The following GRID2 variants were observed in gnomAD, a reference collection of about 807,000 sequenced individuals.
GRID2 encodes glutamate receptor ionotropic, delta-2.
In GRID2, 33 loss-of-function variants were observed where a neutral mutation model predicts 114.8. That is an observed-to-expected ratio of 0.29 (90% CI 0.22 to 0.38). The LOEUF (loss-of-function observed/expected upper bound fraction) is 0.38, where lower values mean the gene tolerates loss of function less well. Among genes scored for constraint, GRID2 ranks in the 10% least tolerant of loss-of-function variants. GRID2 has a pLI of 1.00. For synonymous variants in GRID2, 505 were observed against 449.9 expected, an observed-to-expected ratio of 1.12 and a Z score of -1.55; for missense variants, 1,184 against 1,257.7, an observed-to-expected ratio of 0.94 and a Z score of 0.89.
intron 2 of GRID2, among the ~76,000 whole-genome samples, chr4:93,077,602 T>G (rs1181036663): frequency 1.3e-5 from 2 of 152,178 alleles, no homozygotes; most frequent in African/African-American, 4.8e-5. Flanking sequence ...TTGCCACAAT[T>G]ATGTTTAATC....
chr4:92,560,917 A>T (rs1184369637), intron 1 of GRID2, among the ~76,000 whole-genome samples: 1 of 152,128 alleles, frequency 6.6e-6, no homozygotes, highest in Non-Finnish European at 1.5e-5. Context: ...CATGTTGGTC[A>T]GGCTGGTCTT....
intron 4 of GRID2, among the ~76,000 whole-genome samples, chr4:93,168,715 C>T (rs1237229541): frequency 1.3e-5 from 2 of 151,894 alleles, no homozygotes; most frequent in African/African-American, 4.8e-5. Context: ...GAAACAGAAC[C>T]GTGACTAGAG....
intron 1 of GRID2, among the ~76,000 whole-genome samples, chr4:92,529,035 G>A (rs1430482246): frequency 6.6e-6 from 1 of 152,048 alleles, no homozygotes; most frequent in East Asian, 1.9e-4. Flanking sequence ...CTCCACAGTA[G>A]ATGAATTCTC....
intron 2 of GRID2, among the ~76,000 whole-genome samples, chr4:93,073,879 GGCCCAA>G (rs1560850271): frequency 1.3e-5 from 2 of 152,176 alleles, no homozygotes; most frequent in African/African-American, 4.8e-5. Context: ...AACACCCTTA[GGCCCAA>G]GTTGCACATG....
At chr4:93,486,501 A>C (rs904405938) in intron 11 of GRID2, among the ~76,000 whole-genome samples, 1 of 151,750 alleles carries the variant, frequency 6.6e-6, no homozygotes, top group Admixed American at 6.6e-5. Flanking sequence ...TATAAAAATA[A>C]TGAACACTTT....
At chr4:93,524,133 G>A (rs1322668697) in intron 13 of GRID2, among the ~76,000 whole-genome samples, 2 of 152,062 alleles carry the variant, frequency 1.3e-5, no homozygotes, top group Admixed American at 6.6e-5. Flanking sequence ...ATCTGGGTTA[G>A]GCCCTTATTA....
intron 8 of GRID2, among the ~76,000 whole-genome samples, chr4:93,275,625 A>C (rs1028702444): frequency 1.3e-5 from 2 of 151,672 alleles, no homozygotes; most frequent in Non-Finnish European, 2.9e-5. Context: ...TATCATTCTT[A>C]TTATTATTGC....
At chr4:92,548,394 CTG>C (rs996274899) in intron 1 of GRID2, among the ~76,000 whole-genome samples, 1 of 24,758 alleles carries the variant, frequency 4.0e-5, no homozygotes, top group Middle Eastern at 0.023. Context: ...ATTTCTGAGA[CTG>C]TGTAATTTTT....
chr4:93,681,846 T>A lies in GRID2; in HGVS notation c.2360+55411T>A, dbSNP rs905070038. On this transcript the variant is annotated intron_variant, in intron 14 of 15. Coordinates refer to ENST00000282020, the MANE Select transcript of GRID2 (RefSeq NM_001510.4). Reference sequence around the variant, plus strand: ...AAAACCCTAGAAGAAAACCTAGGCATTACCATTCAGGACATAGGCATGGGC... The same window carrying A: ...AAAACCCTAGAAGAAAACCTAGGCAATACCATTCAGGACATAGGCATGGGC... Among the ~76,000 whole-genome samples, 27 of 151,974 alleles carry A rather than the reference T, an allele frequency of 1.8e-4. No homozygotes were observed. The East Asian group carries it at 3.9e-3, about 22-fold the overall frequency.
chr4:93,685,052 A>G (rs6822500), intron 14 of GRID2, among the ~76,000 whole-genome samples: 2,461 of 152,160 alleles, frequency 0.016, 68 homozygotes, highest in African/African-American at 0.056. Flanking sequence ...TGCAAACAGA[A>G]TAACAAATAA....
At chr4:92,975,702 A>G (rs1753829268) in intron 2 of GRID2, among the ~76,000 whole-genome samples, 1 of 152,138 alleles carries the variant, frequency 6.6e-6, no homozygotes, top group South Asian at 2.1e-4. Context: ...CATAAGTTTT[A>G]CAACTTATCA....
intron 2 of GRID2, among the ~76,000 whole-genome samples, chr4:92,794,874 TTATATATATA>T (rs34559735): frequency 5.7e-5 from 6 of 106,036 alleles, no homozygotes; most frequent in East Asian, 6.0e-4. Flanking sequence ...AATAATTGTT[TTATATATATA>T]TATATATATA....
At chr4:93,539,165 G>T (rs1376761272) in intron 13 of GRID2, among the ~76,000 whole-genome samples, 1 of 151,812 alleles carries the variant, frequency 6.6e-6, no homozygotes, top group Non-Finnish European at 1.5e-5. Context: ...TGGAAGACAA[G>T]AATTTAGTTT....
intron 11 of GRID2, among the ~76,000 whole-genome samples, chr4:93,488,000 T>C (rs528800167): frequency 2.0e-4 from 30 of 152,084 alleles, no homozygotes; most frequent in African/African-American, 6.3e-4. Flanking sequence ...GAGTTGCAAT[T>C]TTTATAACAA....
chr4:92,420,894 A>C (rs960815770), intron 1 of GRID2, among the ~76,000 whole-genome samples: 3 of 152,108 alleles, frequency 2.0e-5, no homozygotes, highest in Non-Finnish European at 4.4e-5. Flanking sequence ...CGTGTTGTCC[A>C]GGCTGATCTC....
At chr4:92,600,235 T>C (rs978498307) in intron 2 of GRID2, among the ~76,000 whole-genome samples, 1 of 151,624 alleles carries the variant, frequency 6.6e-6, no homozygotes, top group African/African-American at 2.4e-5. Context: ...TGTATACTTA[T>C]ACAAACAGAA....
At chr4:93,041,807 G>T (rs1467593685) in intron 2 of GRID2, among the ~76,000 whole-genome samples, 1 of 152,064 alleles carries the variant, frequency 6.6e-6, no homozygotes, top group Non-Finnish European at 1.5e-5. Context: ...ACTGAGTAGA[G>T]CCCTAACTTC....
chr4:93,514,012 G>T (rs1367605620), intron 12 of GRID2, among the ~76,000 whole-genome samples: 2 of 152,114 alleles, frequency 1.3e-5, no homozygotes, highest in South Asian at 2.1e-4. Context: ...AGTTCTGTGC[G>T]CATTCGTTCT....
chr4:93,592,188 G>T (rs546227841), intron 13 of GRID2, among the ~76,000 whole-genome samples: 1 of 151,712 alleles, frequency 6.6e-6, no homozygotes, highest in East Asian at 1.9e-4. Context: ...TCTCTTGTGG[G>T]CATTTAGTGC....
Sources: allele counts gnomAD v4.1 joint callset (sites outside exome capture counted in the v4.1 genomes callset), GRCh38; gene constraint gnomAD v4.1.1; transcripts MANE v1.5; gene names NCBI Gene and HGNC (gene_info 2026-07-23, HGNC 2026-07-21).